DTWD1: variants seen among roughly 807,000 people sequenced by gnomAD.
DTWD1 encodes the protein tRNA-uridine aminocarboxypropyltransferase 1.
Under a neutral mutation model 30.2 loss-of-function variants are expected in DTWD1, and 27 were observed. That is an observed-to-expected ratio of 0.90 (90% CI 0.66 to 1.23). DTWD1 has a LOEUF of 1.23. Ranked by LOEUF, DTWD1 falls within the 50% of genes most tolerant of loss-of-function variation. DTWD1 has a pLI of 0.00. For missense variants in DTWD1, 342 were observed against 348.8 expected (o/e 0.98, Z 0.15); for synonymous variants, 99 against 113.1 (o/e 0.88, Z 0.79).
At chr15:49,635,193 C>G (rs2078985436) in intron 4 of DTWD1, among the ~76,000 whole-genome samples, 1 of 152,042 alleles carries the variant, frequency 6.6e-6, no homozygotes, top group Non-Finnish European at 1.5e-5. Context: ...CACCACCACA[C>G]CTGCCTAAAT....
At chr15:49,628,874 T>C (rs2078880698) in intron 2 of DTWD1, among the ~76,000 whole-genome samples, 1 of 152,190 alleles carries the variant, frequency 6.6e-6, no homozygotes, top group African/African-American at 2.4e-5. Context: ...CTTTAAGTTC[T>C]TGGATACATG....
At chr15:49,633,979 A>C (rs1022578517) in intron 3 of DTWD1, among the ~76,000 whole-genome samples, 16 of 152,332 alleles carry the variant, frequency 1.1e-4, no homozygotes, top group Non-Finnish European at 4.4e-5. Context: ...GTCTGTGTTT[A>C]GGATTATTTT....
At position 49,654,627 on chromosome 15, in the gene DTWD1, T is replaced by C. The variant is rs913362176; in HGVS notation, c.*11049T>C. On this transcript the variant is annotated 3_prime_UTR_variant, in exon 5 of 5. Transcript: ENST00000403028. Reference sequence around the variant, plus strand: ...TAGCACTGCCTTAGTCAGTTTGGGCTAGTATAACAGAAATATCATAGATTG... The same window carrying C: ...TAGCACTGCCTTAGTCAGTTTGGGCCAGTATAACAGAAATATCATAGATTG... 1.3e-5 allele frequency: 2 copies of C among 151,932 alleles called. No individual in the cohort carries two copies. The highest frequency in any genetic ancestry group is 4.8e-5 in the African/African-American group (2 of 41,370). The allele number at this position is 151,932 out of a possible 1,614,324, so 9.4% of individuals were successfully genotyped here. A position where few individuals can be genotyped will look rare whatever the true frequency, so the allele number is the denominator to read the frequency against.
intron 4 of DTWD1, among the ~76,000 whole-genome samples, chr15:49,639,244 T>G (rs1184116722): frequency 1.3e-5 from 2 of 152,150 alleles, no homozygotes; most frequent in African/African-American, 4.8e-5. Flanking sequence ...TTATCTACTT[T>G]AAGTTTCTAC....
intron 2 of DTWD1, among the ~76,000 whole-genome samples, chr15:49,631,276 T>G (rs551174735): frequency 1.5e-4 from 23 of 152,308 alleles, no homozygotes; most frequent in African/African-American, 5.5e-4. Context: ...ATATAAAGAT[T>G]ACACCTCTTA....
chr15:49,632,265 A>G lies in DTWD1; in HGVS notation c.371A>G (p.Tyr124Cys), dbSNP rs550081886. The G allele has an allele frequency of 1.2e-5, 19 of 1,592,910 alleles. No homozygotes were observed. In the South Asian group the frequency reaches 2.2e-4, roughly 19 times the overall value. Reference protein sequence around the residue: ...LAPEFVNIYTYPCIPEYEEKD... With the variant: ...LAPEFVNIYTCPCIPEYEEKD... The stretch of plus-strand genomic sequence containing the variant: ...CCTGAATTTGTAAACATTTACACGT[A>G]TCCGTGTATTCCAGAATATGAAGAA... The change falls in exon 3 of 5, where the codon TAT (tyrosine) becomes TGT (cysteine). Residue 124 changes from tyrosine (Y) to cysteine (C), a missense_variant. Tyr to Cys is a radical substitution (Grantham distance 194, BLOSUM62 -2). Transcript: ENST00000403028.
intron 3 of DTWD1, chr15:49,633,759 G>C (rs987727025): frequency 1.1e-5 from 2 of 179,578 alleles, no homozygotes; most frequent in Admixed American, 1.3e-4. Flanking sequence ...AAATTCCCTT[G>C]ATTCTCCAAC....
chr15:49,638,687 G>A (rs919944280), intron 4 of DTWD1, among the ~76,000 whole-genome samples: 1 of 152,122 alleles, frequency 6.6e-6, no homozygotes, highest in African/African-American at 2.4e-5. Flanking sequence ...AGGTGTATTG[G>A]AAATTATGTT....
chr15:49,641,148 A>T (rs549031955), intron 4 of DTWD1, among the ~76,000 whole-genome samples: 1 of 152,040 alleles, frequency 6.6e-6, no homozygotes, highest in Non-Finnish European at 1.5e-5. Flanking sequence ...CTGATAATCT[A>T]TGTCTTTTAA....
Position 49,646,232 on chromosome 15 carries a change from G to A in DTWD1, c.*2654G>A, listed in dbSNP as rs1466419311. ...AGAGTCATCTAACTGACACCTACCT[G>A]ATTCCAAACATGTGAGCAAGGAATG... On this transcript the variant is annotated 3_prime_UTR_variant, in exon 5 of 5. Coordinates refer to ENST00000403028, the MANE Select transcript of DTWD1 (RefSeq NM_001144955.2). 2.0e-5 allele frequency: 3 copies of A among 152,198 alleles called. No homozygotes were observed. The highest frequency in any genetic ancestry group is 4.4e-5 in the Non-Finnish European group (3 of 68,042). The allele number at this position is 152,198 out of a possible 1,614,324, so 9.4% of individuals were successfully genotyped here. A position where few individuals can be genotyped will look rare whatever the true frequency, so the allele number is the denominator to read the frequency against.
At position 49,650,416 on chromosome 15, in the gene DTWD1, T is replaced by G. The variant is rs1330509543; in HGVS notation, c.*6838T>G. On this transcript the variant is annotated 3_prime_UTR_variant, in exon 5 of 5. Transcript: ENST00000403028. ...CTATTTCAGTAGTCCATTTGAGAGA[T>G]GATATTTGCCTGGACAAGGGTTGTG... 1 of 152,108 alleles carries G rather than the reference T, an allele frequency of 6.6e-6. No individual in the cohort carries two copies. The highest frequency in any genetic ancestry group is 1.5e-5 in the Non-Finnish European group (1 of 68,010). 9.4% of individuals were successfully genotyped at this position (152,108 alleles called of 1,614,324 possible).
intron 1 of DTWD1, among the ~76,000 whole-genome samples, chr15:49,622,235 G>A (rs2078750096): frequency 1.3e-5 from 2 of 152,212 alleles, no homozygotes; most frequent in Non-Finnish European, 2.9e-5. Flanking sequence ...AGAGTTGAAT[G>A]CTGGAGGGGA....
At chr15:49,638,431 A>G (rs907378725) in intron 4 of DTWD1, among the ~76,000 whole-genome samples, 1 of 152,142 alleles carries the variant, frequency 6.6e-6, no homozygotes, top group Non-Finnish European at 1.5e-5. Flanking sequence ...TCTAAAGGCA[A>G]GTTTTCTGCA....
At chr15:49,637,370 T>C (rs981155293) in intron 4 of DTWD1, among the ~76,000 whole-genome samples, 1 of 152,154 alleles carries the variant, frequency 6.6e-6, no homozygotes, top group African/African-American at 2.4e-5. Context: ...GCAAGTTCAC[T>C]TGTACTTTTT....
intron 3 of DTWD1, among the ~76,000 whole-genome samples, chr15:49,632,554 C>G (rs1462316532): frequency 6.6e-6 from 1 of 152,152 alleles, no homozygotes; most frequent in Admixed American, 6.6e-5. Flanking sequence ...GTTTTTACTC[C>G]TTGCCAATAC....
rs2079151259 is a variant in DTWD1, at chr15:49,651,381, C to T, written c.*7803C>T. On this transcript the variant is annotated 3_prime_UTR_variant, in exon 5 of 5. Transcript: ENST00000403028. ...TCTCTAAACAATAAAGCAAACTAAA[C>T]ACATTGCCTAGTTGACGTCATCCTT... 1 of 152,078 alleles carries T rather than the reference C, an allele frequency of 6.6e-6. No individual in the cohort carries two copies. Among genetic ancestry groups the T allele is most frequent in the Non-Finnish European group, 1.5e-5 (1 of 68,044 alleles). The allele number at this position is 152,078 out of a possible 1,614,324, so 9.4% of individuals were successfully genotyped here.
chr15:49,630,771 C>T, intron 2 of DTWD1: 1 of 169,046 alleles, frequency 5.9e-6, no homozygotes. Context: ...CCAGGCCGCA[C>T]ACCAAGAGGT....
Position 49,625,239 on chromosome 15 carries a change from G to A in DTWD1, c.72G>A (p.Gln24=). 1 of 1,613,380 alleles carries A rather than the reference G, an allele frequency of 6.2e-7. No homozygotes were observed. The part of the protein sequence containing the change: ...ENSSKFVETK[Q]SQTTSIASED... ...GTTCAAAATTTGTGGAAACAAAACAGTCACAAACTACTTCCATAGCTTCAG... is the reference window on the plus strand; with the variant it reads ...GTTCAAAATTTGTGGAAACAAAACAATCACAAACTACTTCCATAGCTTCAG... The change falls in exon 2 of 5, where the codon CAG becomes CAA. Residue 24 remains glutamine (Q), a synonymous_variant. Transcript: ENST00000403028.
chr15:49,622,677 C>A (rs1243554020), intron 1 of DTWD1, among the ~76,000 whole-genome samples: 1 of 152,126 alleles, frequency 6.6e-6, no homozygotes. Context: ...GCAATAAAAT[C>A]ATTTGCAATG....
Sources: allele counts gnomAD v4.1 joint callset (sites outside exome capture counted in the v4.1 genomes callset), GRCh38; gene constraint gnomAD v4.1.1; transcripts MANE v1.5; gene names NCBI Gene and HGNC (gene_info 2026-07-23, HGNC 2026-07-21).